The following MPDZ variants were observed in gnomAD, a reference collection of about 807,000 sequenced individuals.
MPDZ encodes multiple PDZ domain crumbs cell polarity complex component, also known as multiple PDZ domain protein.
In MPDZ, 234 loss-of-function variants were observed where a neutral mutation model predicts 239.1. The observed-to-expected ratio is 0.98, with a 90% CI of 0.88 to 1.09. The LOEUF (loss-of-function observed/expected upper bound fraction) is 1.09, where lower values mean the gene tolerates loss of function less well. Among genes scored for constraint, MPDZ ranks in the 50% least tolerant of loss-of-function variants. The pLI is 0.00. For missense variants in MPDZ, 3,175 were observed against 2,510.0 expected (o/e 1.26, Z -5.66); for synonymous variants, 1,048 against 881.3 (o/e 1.19, Z -3.35).
At chr9:13,186,445 T>C in intron 17 of MPDZ, 59 bp from the exon 18 acceptor site, 2 of 1,257,914 alleles carry the variant, frequency 1.6e-6, no homozygotes, top group Non-Finnish European at 2.3e-6. Flanking sequence ...AGAAAGAAAA[T>C]GGAAAAGAAG....
At chr9:13,197,085 T>C (rs1955744457) in intron 12 of MPDZ, among the ~76,000 whole-genome samples, 1 of 151,858 alleles carries the variant, frequency 6.6e-6, no homozygotes, top group Non-Finnish European at 1.5e-5. Context: ...ATTCCAGGCA[T>C]ATTTTGTAGG....
At chr9:13,146,270 G>A (rs912186709) in intron 26 of MPDZ, among the ~76,000 whole-genome samples, 1 of 151,880 alleles carries the variant, frequency 6.6e-6, no homozygotes, top group Non-Finnish European at 1.5e-5. Context: ...AGAAGGAAGG[G>A]CCATTAAAAT....
At chr9:13,237,811 AC>A (rs1411793857) in intron 3 of MPDZ, among the ~76,000 whole-genome samples, 2 of 152,310 alleles carry the variant, frequency 1.3e-5, no homozygotes, top group East Asian at 3.9e-4. Flanking sequence ...TGTTGATAAG[AC>A]TGCAACTGAT....
chr9:13,168,260 T>G, intron 22 of MPDZ, 106 bp downstream of exon 22: 1 of 991,202 alleles, frequency 1.0e-6, no homozygotes. Flanking sequence ...TTAAAAAAAA[T>G]GTGATAACGT....
intron 21 of MPDZ, among the ~76,000 whole-genome samples, chr9:13,169,551 C>T (rs1951519969): frequency 6.6e-6 from 1 of 152,174 alleles, no homozygotes; most frequent in Non-Finnish European, 1.5e-5. Context: ...GCAACACCTT[C>T]TCTTGCCTGA....
chr9:13,268,375 C>T (rs1015024925), intron 1 of MPDZ, among the ~76,000 whole-genome samples: 8 of 151,924 alleles, frequency 5.3e-5, no homozygotes, highest in African/African-American at 1.9e-4. Context: ...TTTTTTATAT[C>T]TAATTTTGTA....
intron 36 of MPDZ, among the ~76,000 whole-genome samples, 179 bp from the exon 37 acceptor site, chr9:13,122,349 C>A (rs1013822310): frequency 1.3e-5 from 2 of 152,010 alleles, no homozygotes; most frequent in African/African-American, 4.8e-5. Context: ...TGCTAAAAGG[C>A]TCAAAGGAGC....
intron 3 of MPDZ, among the ~76,000 whole-genome samples, chr9:13,239,979 A>G (rs189517465): frequency 1.1e-4 from 16 of 152,238 alleles, no homozygotes; most frequent in African/African-American, 3.8e-4. Flanking sequence ...GTGTAGCTTG[A>G]GCAAAAATTA....
intron 18 of MPDZ, among the ~76,000 whole-genome samples, chr9:13,185,751 A>C (rs1427530150): frequency 4.6e-5 from 7 of 152,194 alleles, no homozygotes; most frequent in Non-Finnish European, 1.0e-4. Flanking sequence ...ATTTTAATTT[A>C]TAATTTTTCT....
chr9:13,236,604 G>A lies in MPDZ; in HGVS notation c.183+11031C>T, dbSNP rs1482221345. Among the ~76,000 whole-genome samples, 9 of 151,394 alleles carry A rather than the reference G, an allele frequency of 5.9e-5. No individual in the cohort carries two copies. The East Asian group carries it at 1.2e-3, about 20-fold the overall frequency. On this transcript the variant is annotated intron_variant, in intron 3 of 46. Coordinates refer to ENST00000319217, the MANE Select transcript of MPDZ (RefSeq NM_001378778.1). ...CCCTCCATGTGTATTTTATAAACTC[G>A]TTTTCTTCTTCTTTAAGAAGGCCTA...
rs149043889 is a variant in MPDZ at position 13,269,215 on chromosome 9, T to C, written c.-58+10185A>G. ...ATTTTAATCTGGGAAACTAGAACTA[T>C]CAGGACATCATTTAGCCAAAAGAAC... is the stretch of plus-strand genomic sequence containing the variant. On this transcript the variant is annotated intron_variant, in intron 1 of 46. Coordinates refer to ENST00000319217, the MANE Select transcript of MPDZ (RefSeq NM_001378778.1). Among the ~76,000 whole-genome samples the C allele has an allele frequency of 1.2e-3, 179 of 152,286 alleles. 1 individual carries two copies. Among genetic ancestry groups the C allele is most frequent in the Middle Eastern group, 6.8e-3 (2 of 294 alleles).
chr9:13,237,901 C>T (rs1964483042), intron 3 of MPDZ, among the ~76,000 whole-genome samples: 1 of 151,868 alleles, frequency 6.6e-6, no homozygotes, highest in African/African-American at 2.4e-5. Context: ...TTCCAAATGA[C>T]CAATGAAATA....
rs955661852 is a variant in MPDZ, at chr9:13,119,429, T to A, written c.5379+73A>T. On this transcript the variant is annotated intron_variant, in intron 39 of 46. Coordinates refer to ENST00000319217, the MANE Select transcript of MPDZ (RefSeq NM_001378778.1). ...AAAGAGAAGTCATTACTAATTTGACTATGATAGCCCAATGTTAAAATTATC... is the reference window on the plus strand; with the variant it reads ...AAAGAGAAGTCATTACTAATTTGACAATGATAGCCCAATGTTAAAATTATC... 2.0e-5 allele frequency: 30 copies of A among 1,508,418 alleles called. No homozygotes were observed. The Admixed American group carries it at 6.2e-4, about 31-fold the overall frequency. 93.4% of individuals were successfully genotyped at this position (1,508,418 alleles called of 1,614,324 possible).
In MPDZ at chr9:13,110,736, C is replaced by G. The variant is rs754208398; in HGVS notation, c.5729G>C (p.Gly1910Ala). The G allele has an allele frequency of 3.4e-5, 55 of 1,612,136 alleles. No individual in the cohort carries two copies. Among genetic ancestry groups the G allele is most frequent in the Middle Eastern group, 1.7e-4 (1 of 6,058 alleles). The change falls in exon 44 of 47, where the codon GGG becomes GCG. Residue 1910 changes from glycine (G) to alanine (A), a missense_variant. Gly to Ala is a moderately conservative substitution (Grantham distance 60). Transcript: ENST00000319217. ...VAAQTQKLRV[G>A]DRIVTICGTS... is the part of the protein sequence containing the mutation. Reference sequence around the variant, plus strand: ...GCCACAGATGGTGACAATCCTATCCCCAACCTGCAAGGGAGAGAAAGAAAC... The same window carrying G: ...GCCACAGATGGTGACAATCCTATCCGCAACCTGCAAGGGAGAGAAAGAAAC...
chr9:13,172,193 A>G (rs1951858589), intron 21 of MPDZ, among the ~76,000 whole-genome samples: 1 of 152,174 alleles, frequency 6.6e-6, no homozygotes, highest in South Asian at 2.1e-4. Flanking sequence ...CCAAAATGCC[A>G]GAGGAACCTC....
At chr9:13,261,499 G>T (rs1970681852) in intron 1 of MPDZ, among the ~76,000 whole-genome samples, 1 of 151,780 alleles carries the variant, frequency 6.6e-6, no homozygotes, top group Admixed American at 6.6e-5. Flanking sequence ...AAATACCCTT[G>T]TTCCTTTATT....
intron 10 of MPDZ, among the ~76,000 whole-genome samples, chr9:13,214,281 A>C (rs987398565): frequency 6.6e-6 from 1 of 152,082 alleles, no homozygotes; most frequent in Non-Finnish European, 1.5e-5. Flanking sequence ...ATACAGATGA[A>C]ACTTGAAAGC....
chr9:13,110,684 G>C lies in MPDZ; in HGVS notation c.5781C>G (p.Thr1927=). The C allele has an allele frequency of 6.2e-7, 1 of 1,613,650 alleles. No individual in the cohort carries two copies. The highest frequency in any genetic ancestry group is 8.5e-7 in the Non-Finnish European group (1 of 1,179,786). ...CATTTTTCAGTAGGTTAACTGCTTG[G>C]GTGTGAGTCATGCCCTCAGTGGATG... ...CGTSTEGMTH[T]QAVNLLKNAS... The change falls in exon 44 of 47, where the codon ACC becomes ACG. Residue 1927 remains threonine (T), a synonymous_variant. Transcript: ENST00000319217.
intron 26 of MPDZ, 63 bp from the exon 27 acceptor site, chr9:13,143,627 A>C (rs1948041714): frequency 2.3e-6 from 3 of 1,298,040 alleles, no homozygotes; most frequent in Non-Finnish European, 3.4e-6. Flanking sequence ...CTCAGTTTTA[A>C]AAGCAAAGTA....
Sources: gnomAD v4.1 joint callset for allele counts (sites outside exome capture counted in the v4.1 genomes callset) on GRCh38, gnomAD v4.1.1 for gene constraint, MANE v1.5 for transcripts, NCBI Gene and HGNC (gene_info 2026-07-23, HGNC 2026-07-21) for gene names.